ABCA12: variants seen among roughly 807,000 people sequenced by gnomAD.
ABCA12 encodes ATP binding cassette subfamily A member 12.
In ABCA12, 156 loss-of-function variants were observed where a neutral mutation model predicts 293.5. The ratio of observed to expected loss-of-function variants is 0.53; its 90% CI spans 0.47 to 0.61. The LOEUF (loss-of-function observed/expected upper bound fraction) is 0.61, where lower values mean the gene tolerates loss of function less well. ABCA12 is among the 20% of genes least tolerant of loss of function. ABCA12 has a pLI of 0.00. For missense variants in ABCA12, 2,797 were observed against 3,090.2 expected, an observed-to-expected ratio of 0.91 and a Z score of 2.25; for synonymous variants, 1,063 against 1,108.0, an observed-to-expected ratio of 0.96 and a Z score of 0.81.
intron 2 of ABCA12, among the ~76,000 whole-genome samples, chr2:215,094,869 C>T (rs1469208824): frequency 6.6e-6 from 1 of 151,680 alleles, no homozygotes; most frequent in East Asian, 1.9e-4. Context: ...GACATCATCT[C>T]TTTTGGTGCT....
At chr2:215,125,769 G>C (rs1314191547) in intron 1 of ABCA12, among the ~76,000 whole-genome samples, 1 of 151,986 alleles carries the variant, frequency 6.6e-6, no homozygotes. Flanking sequence ...CTCTTTACTG[G>C]TTTGGATGCC....
In ABCA12 at chr2:215,010,255, A is replaced by G. The variant is rs1700342335; in HGVS notation, c.2472+76T>C. 6 of 1,534,022 alleles carry G rather than the reference A, an allele frequency of 3.9e-6. No homozygotes were observed. In the East Asian group the frequency reaches 9.0e-5, roughly 23 times the overall value. ...TAAGATAGAAAGAAATCAGTCAGCT[A>G]AAGTAAATTTGGAAGTTGACTACTT... is the stretch of plus-strand genomic sequence containing the variant. On this transcript the variant is annotated intron_variant, in intron 18 of 52. Coordinates refer to ENST00000272895, the MANE Select transcript of ABCA12 (RefSeq NM_173076.3).
intron 28 of ABCA12, 65 bp from the exon 29 acceptor site, chr2:214,983,930 T>TA: frequency 7.1e-7 from 1 of 1,411,876 alleles, no homozygotes; most frequent in Non-Finnish European, 9.8e-7. Flanking sequence ...TAGGAATAAC[T>TA]ATATCTCAGT....
intron 20 of ABCA12, among the ~76,000 whole-genome samples, chr2:215,002,436 A>C (rs1436608561): frequency 6.6e-6 from 1 of 152,178 alleles, no homozygotes; most frequent in East Asian, 1.9e-4. Context: ...AACCGGGACA[A>C]AGGGTAAATA....
At chr2:215,050,844 A>G in intron 5 of ABCA12, 1 of 984,822 alleles carries the variant, frequency 1.0e-6, no homozygotes. Context: ...AAAGCAGTAA[A>G]GAGAAAGAAA....
intron 1 of ABCA12, among the ~76,000 whole-genome samples, chr2:215,112,427 C>G (rs1366491903): frequency 6.7e-6 from 1 of 149,062 alleles, no homozygotes; most frequent in Non-Finnish European, 1.5e-5. Flanking sequence ...TTCCACCACT[C>G]GATGAAAAAT....
intron 1 of ABCA12, among the ~76,000 whole-genome samples, chr2:215,118,286 C>T (rs12989969): frequency 0.014 from 2,080 of 152,188 alleles, 23 homozygotes; most frequent in South Asian, 0.021. Flanking sequence ...CTTTTAGTCT[C>T]AGCTACTGAG....
chr2:214,992,584 G>A (rs1967601), intron 23 of ABCA12, among the ~76,000 whole-genome samples: 128,132 of 134,692 alleles, frequency 0.95, 61,329 homozygotes, highest in East Asian at 1. Flanking sequence ...CTAACTGGCC[G>A]GGCACAGTGA....
Position 214,932,540 on chromosome 2 carries a change from T to C in ABCA12, c.*94A>G. On this transcript the variant is annotated 3_prime_UTR_variant, in exon 53 of 53. Coordinates refer to ENST00000272895, the MANE Select transcript of ABCA12 (RefSeq NM_173076.3). ...TTCCATACAGTATATTACTTTACTT[T>C]AAAATGAAGATATCTTGCGGAAGTG... The C allele has an allele frequency of 1.1e-6, 1 of 941,678 alleles. No homozygotes were observed. Among genetic ancestry groups the C allele is most frequent in the African/African-American group, 1.6e-5 (1 of 61,188 alleles). 58.3% of individuals were successfully genotyped at this position (941,678 alleles called of 1,614,324 possible). A position where few individuals can be genotyped will look rare whatever the true frequency, so the allele number is the denominator to read the frequency against.
chr2:214,950,812 A>C, intron 45 of ABCA12, 67 bp downstream of exon 45: 1 of 1,549,480 alleles, frequency 6.5e-7, no homozygotes, highest in Non-Finnish European at 8.9e-7. Flanking sequence ...GCCAATAATT[A>C]AGATTTTAAT....
rs572120584 is a variant in ABCA12, at chr2:215,128,309, T to C, written c.69+9831A>G. ...ATCTTTTTGTGATGAATTTCCCAGGTGTTCTTTGTGCTTCTTGTATTTGCA... is the reference window on the plus strand; with the variant it reads ...ATCTTTTTGTGATGAATTTCCCAGGCGTTCTTTGTGCTTCTTGTATTTGCA... On this transcript the variant is annotated intron_variant, in intron 1 of 52. Coordinates refer to ENST00000272895, the MANE Select transcript of ABCA12 (RefSeq NM_173076.3). Among the ~76,000 whole-genome samples the C allele has an allele frequency of 7.2e-5, 11 of 152,306 alleles. No individual in the cohort carries two copies. The South Asian group carries it at 2.3e-3, about 32-fold the overall frequency.
At chr2:215,025,622 CTTTTTGTTTTTT>C (rs754799221) in intron 11 of ABCA12, 39 bp downstream of exon 11, 8 of 1,062,632 alleles carry the variant, frequency 7.5e-6, no homozygotes, top group South Asian at 2.9e-5. Flanking sequence ...TTTGTTTTGT[CTTTTTGTTTTTT>C]TTTTTGTTTT....
chr2:214,988,996 T>C (rs1699848370), intron 26 of ABCA12, among the ~76,000 whole-genome samples: 1 of 150,612 alleles, frequency 6.6e-6, no homozygotes, highest in African/African-American at 2.4e-5. Flanking sequence ...CTGGCTAACA[T>C]GGTGAAACCC....
chr2:215,077,059 G>A (rs1317527143), intron 2 of ABCA12, among the ~76,000 whole-genome samples: 1 of 152,066 alleles, frequency 6.6e-6, no homozygotes, highest in African/African-American at 2.4e-5. Flanking sequence ...AAGGGAGGGA[G>A]AAAATGGAAC....
At chr2:215,111,446 G>A (rs2106127651) in intron 2 of ABCA12, 151 bp downstream of exon 2, 1 of 578,146 alleles carries the variant, frequency 1.7e-6, no homozygotes, top group East Asian at 3.0e-5. Context: ...GAAAATCTAG[G>A]GTAAAAAACA....
Position 214,986,483 on chromosome 2 carries a change from T to C in ABCA12, c.4163+59A>G. On this transcript the variant is annotated intron_variant, in intron 28 of 52. Coordinates refer to ENST00000272895, the MANE Select transcript of ABCA12 (RefSeq NM_173076.3). ...TAAACATAGGTTAGTTTATTTTTTT[T>C]ACACCTGTATTTTTTGTAACATGCT... The C allele has an allele frequency of 2.0e-6, 3 of 1,502,564 alleles. No homozygotes were observed. In the South Asian group the frequency reaches 3.4e-5, roughly 17 times the overall value. The allele number at this position is 1,502,564 out of a possible 1,614,324, so 93.1% of individuals were successfully genotyped here.
intron 50 of ABCA12, among the ~76,000 whole-genome samples, chr2:214,942,430 G>T (rs1238549196): frequency 6.6e-6 from 1 of 152,100 alleles, no homozygotes; most frequent in Non-Finnish European, 1.5e-5. Context: ...AAATTTGATA[G>T]TAGTATGATA....
chr2:214,994,712 T>A (rs1320727973), intron 23 of ABCA12, among the ~76,000 whole-genome samples: 1 of 152,198 alleles, frequency 6.6e-6, no homozygotes. Context: ...CATTTCAAAT[T>A]CCCACTGGTG....
chr2:214,999,556 A>G (rs1700100043), intron 22 of ABCA12, among the ~76,000 whole-genome samples: 1 of 152,244 alleles, frequency 6.6e-6, no homozygotes, highest in Admixed American at 6.5e-5. Context: ...ACATATTCCC[A>G]TAAAGAATAC....
Sources: allele counts gnomAD v4.1 joint callset (sites outside exome capture counted in the v4.1 genomes callset), GRCh38; gene constraint gnomAD v4.1.1; transcripts MANE v1.5; gene names NCBI Gene and HGNC (gene_info 2026-07-23, HGNC 2026-07-21).